The following TRABD2B variants were observed in gnomAD, a reference collection of about 807,000 sequenced individuals.
TRABD2B encodes TraB domain containing 2B.
A neutral mutation model predicts 40.1 loss-of-function variants in TRABD2B; 14 were observed. The ratio of observed to expected loss-of-function variants is 0.35; its 90% CI spans 0.23 to 0.55. The LOEUF (loss-of-function observed/expected upper bound fraction) is 0.55, where lower values mean the gene tolerates loss of function less well. TRABD2B is among the 20% of genes least tolerant of loss of function. TRABD2B has a pLI of 0.90. For synonymous variants in TRABD2B, 263 were observed against 277.0 expected (o/e 0.95, Z 0.50); for missense variants, 541 against 648.6 (o/e 0.83, Z 1.80).
intron 2 of TRABD2B, among the ~76,000 whole-genome samples, chr1:47,904,333 G>A (rs1442924918): frequency 6.6e-6 from 1 of 152,158 alleles, no homozygotes; most frequent in African/African-American, 2.4e-5. Flanking sequence ...AAGCCCTGGG[G>A]GCTGAGAAGC....
intron 2 of TRABD2B, among the ~76,000 whole-genome samples, chr1:47,984,196 C>A (rs940831636): frequency 2.0e-5 from 3 of 152,242 alleles, no homozygotes; most frequent in Non-Finnish European, 4.4e-5. Flanking sequence ...TTTATCTTTG[C>A]ACCGTGGCTG....
chr1:47,843,054 G>C (rs1043385911), intron 2 of TRABD2B, among the ~76,000 whole-genome samples: 16 of 152,184 alleles, frequency 1.1e-4, no homozygotes, highest in African/African-American at 3.6e-4. Context: ...CAAGAGGCCA[G>C]TGTGGCTGCT....
chr1:47,801,659 G>A lies in TRABD2B; in HGVS notation c.667-40C>T. On this transcript the variant is annotated intron_variant, in intron 2 of 6. Transcript: ENST00000606738. The stretch of plus-strand genomic sequence containing the variant: ...GAGAGAGGAATGAGGGCTGTGCTCA[G>A]GGACCCTGGCTGAGCTCTAGGACTG... The A allele has an allele frequency of 2.6e-6, 4 of 1,529,402 alleles. No individual in the cohort carries two copies. The Admixed American group carries it at 5.9e-5, about 23-fold the overall frequency. 94.7% of individuals were successfully genotyped at this position (1,529,402 alleles called of 1,614,324 possible). A position where few individuals can be genotyped will look rare whatever the true frequency, so the allele number is the denominator to read the frequency against.
rs74069672 is a variant in TRABD2B at position 47,779,981 on chromosome 1, G to A, written c.989-1437C>T. Among the ~76,000 whole-genome samples the A allele has an allele frequency of 6.1e-3, 930 of 152,272 alleles. 3 individuals are homozygous for A. The highest frequency in any genetic ancestry group is 0.019 in the African/African-American group (777 of 41,540). On this transcript the variant is annotated intron_variant, in intron 4 of 6. Transcript: ENST00000606738. Reference sequence around the variant, plus strand: ...TAGTGGCTGGAGCAGAGAATGAACCGTGCTGCTGTCTTGCCCCACCAGCCT... The same window carrying A: ...TAGTGGCTGGAGCAGAGAATGAACCATGCTGCTGTCTTGCCCCACCAGCCT...
chr1:47,799,515 T>C (rs1233687682), intron 3 of TRABD2B, among the ~76,000 whole-genome samples: 1 of 152,200 alleles, frequency 6.6e-6, no homozygotes, highest in Non-Finnish European at 1.5e-5. Context: ...GGATGCCACA[T>C]GCCTACATTT....
chr1:47,909,492 G>GAGGAGA (rs71056646), intron 2 of TRABD2B, among the ~76,000 whole-genome samples: 78,206 of 139,642 alleles, frequency 0.56, 22,830 homozygotes, highest in Middle Eastern at 0.69. Context: ...GAAGGAGAAG[G>GAGGAGA]AGGAGAAGGA....
In TRABD2B at chr1:47,856,560, C is replaced by T. The variant is rs529320046; in HGVS notation, c.667-54941G>A. ...CTGATTCTAGGACCAGCTTTGCCAT[C>T]GTAGGACACAGCATGGTGCTTAGAG... On this transcript the variant is annotated intron_variant, in intron 2 of 6. Transcript: ENST00000606738. Among the ~76,000 whole-genome samples, 14 of 152,304 alleles carry T rather than the reference C, an allele frequency of 9.2e-5. No homozygotes were observed. In the East Asian group the frequency reaches 1.7e-3, roughly 19 times the overall value.
At chr1:47,791,965 G>A (rs1238991220) in intron 4 of TRABD2B, among the ~76,000 whole-genome samples, 1 of 152,198 alleles carries the variant, frequency 6.6e-6, no homozygotes, top group Non-Finnish European at 1.5e-5. Context: ...GTGGACCTCA[G>A]TTGTCCCACA....
Position 47,764,664 on chromosome 1 carries a change from GC to G in TRABD2B, c.*1237del, listed in dbSNP as rs1203193280. ...CCAGAGGGGTCAACATAAGCAGCCGGCCAAAAGGTTTCTTGGTGGAGTGAAA... is the reference window on the plus strand; with the variant it reads ...CCAGAGGGGTCAACATAAGCAGCCGGCAAAAGGTTTCTTGGTGGAGTGAAA... On this transcript the variant is annotated 3_prime_UTR_variant, in exon 7 of 7. Transcript: ENST00000606738. 1 of 152,274 alleles carries G rather than the reference GC, an allele frequency of 6.6e-6. No individual in the cohort carries two copies. Among genetic ancestry groups the G allele is most frequent in the Non-Finnish European group, 1.5e-5 (1 of 68,062 alleles). The allele number at this position is 152,274 out of a possible 1,614,324, so 9.4% of individuals were successfully genotyped here.
chr1:47,947,412 G>C (rs1008442489), intron 2 of TRABD2B, among the ~76,000 whole-genome samples: 1 of 152,176 alleles, frequency 6.6e-6, no homozygotes, highest in Non-Finnish European at 1.5e-5. Flanking sequence ...TGATGGGGCA[G>C]GAGGTAATTA....
At chr1:47,821,219 A>C (rs1645104117) in intron 2 of TRABD2B, among the ~76,000 whole-genome samples, 1 of 152,246 alleles carries the variant, frequency 6.6e-6, no homozygotes, top group Admixed American at 6.5e-5. Context: ...GGCACCCACC[A>C]GTGGCTGTTC....
At chr1:47,823,466 C>T (rs1417139) in intron 2 of TRABD2B, among the ~76,000 whole-genome samples, 47,479 of 152,152 alleles carry the variant, frequency 0.31, 7,768 homozygotes, top group Non-Finnish European at 0.37. Flanking sequence ...TGACCCAGGG[C>T]GCTGGCCTCT....
intron 2 of TRABD2B, among the ~76,000 whole-genome samples, chr1:47,942,431 C>T (rs1645200793): frequency 6.6e-6 from 1 of 152,122 alleles, no homozygotes; most frequent in Non-Finnish European, 1.5e-5. Flanking sequence ...TATACATTTG[C>T]AGTGTCCTGC....
At chr1:47,922,198 G>C (rs1557658949) in intron 2 of TRABD2B, among the ~76,000 whole-genome samples, 1 of 152,094 alleles carries the variant, frequency 6.6e-6, no homozygotes, top group Non-Finnish European at 1.5e-5. Context: ...TGGGGGAGAG[G>C]GATCCACGCT....
rs375964619 is a variant in TRABD2B at position 47,834,421 on chromosome 1, T to C, written c.667-32802A>G. On this transcript the variant is annotated intron_variant, in intron 2 of 6. Coordinates refer to ENST00000606738, the MANE Select transcript of TRABD2B (RefSeq NM_001194986.2). ...GCATGCAAGCATAGGGCTGTGTAAA[T>C]GCCCAGAGCTATGTACATGCTCAGG... 2.0e-5 allele frequency among the ~76,000 whole-genome samples: 3 copies of C among 152,316 alleles called. No individual in the cohort carries two copies. The East Asian group carries it at 5.8e-4, about 29-fold the overall frequency.
chr1:47,784,685 G>A (rs1381694077), intron 4 of TRABD2B, among the ~76,000 whole-genome samples: 1 of 152,222 alleles, frequency 6.6e-6, no homozygotes, highest in Non-Finnish European at 1.5e-5. Flanking sequence ...AGTATGACAG[G>A]AGGGCTGGAT....
At chr1:47,927,406 G>A (rs144822239) in intron 2 of TRABD2B, among the ~76,000 whole-genome samples, 16 of 152,316 alleles carry the variant, frequency 1.1e-4, no homozygotes, top group East Asian at 3.9e-4. Flanking sequence ...CCCATGGAAC[G>A]TGAGCCTGCC....
intron 2 of TRABD2B, among the ~76,000 whole-genome samples, chr1:47,885,381 T>C (rs1644357157): frequency 6.6e-6 from 1 of 152,190 alleles, no homozygotes; most frequent in African/African-American, 2.4e-5. Flanking sequence ...TCTTATTTAC[T>C]TGCAGCACCC....
At chr1:47,931,784 T>A (rs1314547119) in intron 2 of TRABD2B, among the ~76,000 whole-genome samples, 2 of 152,086 alleles carry the variant, frequency 1.3e-5, no homozygotes, top group African/African-American at 4.8e-5. Flanking sequence ...CAAGTCCTGA[T>A]CCCATGGATC....
Sources: gnomAD v4.1 joint callset for allele counts (sites outside exome capture counted in the v4.1 genomes callset) on GRCh38, gnomAD v4.1.1 for gene constraint, MANE v1.5 for transcripts, NCBI Gene and HGNC (gene_info 2026-07-23, HGNC 2026-07-21) for gene names.